COL19A1: variants seen among roughly 807,000 people sequenced by gnomAD.
The protein encoded by COL19A1 is collagen alpha-1(XIX) chain.
In COL19A1, 159 loss-of-function variants were observed where a neutral mutation model predicts 190.2. That is an observed-to-expected ratio of 0.84 (90% CI 0.73 to 0.95). The LOEUF (loss-of-function observed/expected upper bound fraction) is 0.95. Among genes scored for constraint, COL19A1 ranks in the 40% least tolerant of loss-of-function variants. The probability of loss-of-function intolerance (pLI) is 0.00; values close to 1 mark genes in which losing one functional copy is unlikely to be tolerated. For synonymous variants in COL19A1, 509 were observed against 458.9 expected (o/e 1.11, Z -1.39); for missense variants, 1,418 against 1,431.9 (o/e 0.99, Z 0.16).
chr6:70,075,746 A>G (rs1781844947), intron 15 of COL19A1, among the ~76,000 whole-genome samples: 1 of 152,090 alleles, frequency 6.6e-6, no homozygotes, highest in Admixed American at 6.6e-5. Context: ...TTGAGATAGA[A>G]GAGACAAAAC....
intron 16 of COL19A1, among the ~76,000 whole-genome samples, chr6:70,110,023 C>G (rs561042125): frequency 6.6e-6 from 1 of 152,302 alleles, no homozygotes; most frequent in South Asian, 2.1e-4. Flanking sequence ...ACTTTATTTA[C>G]TATGCACTGA....
intron 34 of COL19A1, among the ~76,000 whole-genome samples, 161 bp downstream of exon 34, chr6:70,156,884 CAT>C (rs1787473313): frequency 1.3e-5 from 2 of 152,094 alleles, no homozygotes; most frequent in Admixed American, 1.3e-4. Flanking sequence ...TTTTAAATAA[CAT>C]ATTTATGTTT....
intron 14 of COL19A1, among the ~76,000 whole-genome samples, chr6:70,062,078 A>G (rs932160832): frequency 1.3e-5 from 2 of 151,996 alleles, no homozygotes. Flanking sequence ...TCAATAAAAC[A>G]TAGACTCCAT....
At chr6:70,103,343 C>G (rs1043118830) in intron 16 of COL19A1, among the ~76,000 whole-genome samples, 54 of 152,198 alleles carry the variant, frequency 3.5e-4, no homozygotes, top group African/African-American at 1.3e-3. Context: ...CATCTGAGAG[C>G]TGGTCTCATT....
chr6:69,919,177 C>T (rs1315478394), intron 4 of COL19A1, among the ~76,000 whole-genome samples: 2 of 152,206 alleles, frequency 1.3e-5, no homozygotes, highest in Admixed American at 1.3e-4. Flanking sequence ...TGTGTCTTCC[C>T]TCTTAGAACT....
intron 23 of COL19A1, among the ~76,000 whole-genome samples, chr6:70,143,961 G>A (rs909013531): frequency 1.3e-4 from 20 of 152,066 alleles, no homozygotes; most frequent in African/African-American, 4.8e-4. Context: ...AATAATATGG[G>A]TGAGACGTTC....
At chr6:70,094,554 C>A (rs1783124898) in intron 15 of COL19A1, among the ~76,000 whole-genome samples, 1 of 152,160 alleles carries the variant, frequency 6.6e-6, no homozygotes, top group Admixed American at 6.6e-5. Flanking sequence ...GTAACCTCAT[C>A]TTCTTCATCA....
At chr6:70,183,996 C>G (rs16868607) in intron 44 of COL19A1, among the ~76,000 whole-genome samples, 3,091 of 152,318 alleles carry the variant, frequency 0.02, 46 homozygotes, top group Non-Finnish European at 0.029. Flanking sequence ...TCTTATAAAT[C>G]TTTAAGCAGG....
Position 70,184,877 on chromosome 6 carries a change from A to G in COL19A1, c.2818A>G (p.Met940Val), listed in dbSNP as rs773167315. 4.4e-5 allele frequency: 71 copies of G among 1,613,194 alleles called. No homozygotes were observed. Among genetic ancestry groups the G allele is most frequent in the Admixed American group, 8.4e-5 (5 of 59,828 alleles). Residue 940 changes from methionine to valine, a missense_variant, in exon 46 of 51, where the codon ATG (methionine) becomes GTG (valine). By Grantham distance (21) the Met-to-Val change is conservative (BLOSUM62 1). Coordinates refer to ENST00000620364, the MANE Select transcript of COL19A1 (RefSeq NM_001858.6). Reference sequence around the variant, plus strand: ...GTTGACATCTGTTTTTCAGGGCATCATGGGTAAGCCTGGAGACAGAGGCCC... The same window carrying G: ...GTTGACATCTGTTTTTCAGGGCATCGTGGGTAAGCCTGGAGACAGAGGCCC... ...KDGIPGAQGI[M>V]GKPGDRGPKG... is the part of the protein sequence containing the mutation.
At chr6:70,092,987 T>G (rs1783022459) in intron 15 of COL19A1, among the ~76,000 whole-genome samples, 1 of 152,220 alleles carries the variant, frequency 6.6e-6, no homozygotes, top group African/African-American at 2.4e-5. Flanking sequence ...TTTTAACATT[T>G]CTATTAAATA....
chr6:69,876,063 A>G (rs1768111093), intron 1 of COL19A1, among the ~76,000 whole-genome samples: 1 of 152,180 alleles, frequency 6.6e-6, no homozygotes, highest in African/African-American at 2.4e-5. Context: ...GAAGGAAAGA[A>G]TTGTCGGCTA....
intron 14 of COL19A1, among the ~76,000 whole-genome samples, chr6:70,061,798 T>A (rs927707863): frequency 1.3e-5 from 2 of 152,084 alleles, no homozygotes; most frequent in Non-Finnish European, 2.9e-5. Context: ...TTCCTAAGGA[T>A]AAGAGAGAAG....
intron 11 of COL19A1, chr6:69,974,240 C>A (rs1195148473): frequency 6.6e-6 from 1 of 152,188 alleles, no homozygotes; most frequent in Non-Finnish European, 1.5e-5. Flanking sequence ...TATTGTTCCT[C>A]ATTTTCTGCT....
At chr6:70,181,928 G>A (rs913886628) in intron 44 of COL19A1, among the ~76,000 whole-genome samples, 1 of 152,198 alleles carries the variant, frequency 6.6e-6, no homozygotes, top group Non-Finnish European at 1.5e-5. Flanking sequence ...GGAAGAGTTG[G>A]AAAGATACGG....
intron 16 of COL19A1, among the ~76,000 whole-genome samples, chr6:70,108,168 C>T (rs1401210598): frequency 6.6e-6 from 1 of 152,122 alleles, no homozygotes; most frequent in Non-Finnish European, 1.5e-5. Context: ...GGTATTAGCC[C>T]ATCCATTTGA....
chr6:70,054,588 C>T (rs979113923), intron 14 of COL19A1, among the ~76,000 whole-genome samples: 2 of 152,028 alleles, frequency 1.3e-5, no homozygotes, highest in Non-Finnish European at 2.9e-5. Flanking sequence ...GCTTATTTGC[C>T]TTAACTTGTT....
intron 11 of COL19A1, among the ~76,000 whole-genome samples, chr6:70,016,680 A>G (rs1463358027): frequency 2.0e-5 from 3 of 152,180 alleles, no homozygotes; most frequent in East Asian, 3.9e-4. Flanking sequence ...AACTTTTACA[A>G]CTCACAAATA....
Position 69,918,556 on chromosome 6 carries a change from A to C in COL19A1, c.267-9353A>C, listed in dbSNP as rs572244781. Among the ~76,000 whole-genome samples, 52 of 152,204 alleles carry C rather than the reference A, an allele frequency of 3.4e-4. No individual in the cohort carries two copies. The South Asian group carries it at 0.01, about 30-fold the overall frequency. ...TACAAAAAAATAAAAAATACAAAAA[A>C]TTAGCCAGGTATGGCTGCACGTGCC... On this transcript the variant is annotated intron_variant, in intron 4 of 50. Transcript: ENST00000620364.
chr6:70,163,276 C>T lies in COL19A1; in HGVS notation c.2347-67C>T, dbSNP rs1787922237. On this transcript the variant is annotated intron_variant, in intron 35 of 50. Transcript: ENST00000620364. ...TTCAAAATGTGTAAGTTTTAGTAAC[C>T]AACTTCCAATACCCTTTGGCCATTT... is the stretch of plus-strand genomic sequence containing the variant. 1.9e-5 allele frequency: 28 copies of T among 1,436,284 alleles called. No individual in the cohort carries two copies. In the South Asian group the frequency reaches 2.9e-4, roughly 15 times the overall value. 89.0% of individuals were successfully genotyped at this position (1,436,284 alleles called of 1,614,324 possible). A position where few individuals can be genotyped will look rare whatever the true frequency, so the allele number is the denominator to read the frequency against.
Sources: gnomAD v4.1 joint callset for allele counts (sites outside exome capture counted in the v4.1 genomes callset) on GRCh38, gnomAD v4.1.1 for gene constraint, MANE v1.5 for transcripts, NCBI Gene and HGNC (gene_info 2026-07-23, HGNC 2026-07-21) for gene names.